The following TMCC1 variants were observed in gnomAD, a reference collection of about 807,000 sequenced individuals.
TMCC1 encodes transmembrane and coiled-coil domain family 1.
TMCC1 carries 15 observed loss-of-function variants against 52.4 expected under a neutral mutation model. The ratio of observed to expected loss-of-function variants is 0.29; its 90% CI spans 0.19 to 0.44. TMCC1 has a LOEUF of 0.44. Ranked by LOEUF, TMCC1 falls within the 20% of genes least tolerant of loss-of-function variation. The pLI, the probability that TMCC1 is intolerant of heterozygous loss-of-function variation, is 1.00. For synonymous variants in TMCC1, 279 were observed against 301.9 expected, an observed-to-expected ratio of 0.92 and a Z score of 0.79; for missense variants, 503 against 806.0, an observed-to-expected ratio of 0.62 and a Z score of 4.55.
chr3:129,843,060 A>G (rs970909016), intron 2 of TMCC1, among the ~76,000 whole-genome samples: 1 of 152,134 alleles, frequency 6.6e-6, no homozygotes, highest in Non-Finnish European at 1.5e-5. Context: ...ACTAAAACAG[A>G]AGGAGGCCAG....
chr3:129,862,650 T>C (rs1417740508), intron 2 of TMCC1, among the ~76,000 whole-genome samples: 1 of 152,094 alleles, frequency 6.6e-6, no homozygotes, highest in East Asian at 1.9e-4. Context: ...TTAGGCCTCA[T>C]CCACAGGGTC....
At chr3:129,851,620 CTT>C (rs2059917659) in intron 2 of TMCC1, among the ~76,000 whole-genome samples, 1 of 152,146 alleles carries the variant, frequency 6.6e-6, no homozygotes, top group South Asian at 2.1e-4. Flanking sequence ...AAATTGGAAT[CTT>C]TGTGCATTGT....
intron 4 of TMCC1, among the ~76,000 whole-genome samples, chr3:129,816,401 C>T (rs928682501): frequency 2.6e-5 from 4 of 151,972 alleles, no homozygotes; most frequent in African/African-American, 7.3e-5. Context: ...TATTATAAAG[C>T]CATAAAGAAG....
At chr3:129,754,707 A>G (rs1181102925) in intron 4 of TMCC1, among the ~76,000 whole-genome samples, 1 of 152,238 alleles carries the variant, frequency 6.6e-6, no homozygotes, top group Non-Finnish European at 1.5e-5. Context: ...ATCTTATTAC[A>G]ACTTATACAA....
chr3:129,664,131 G>T (rs764507077), intron 5 of TMCC1, among the ~76,000 whole-genome samples: 1 of 152,116 alleles, frequency 6.6e-6, no homozygotes, highest in Non-Finnish European at 1.5e-5. Flanking sequence ...TCCTAATTGG[G>T]ATTTTGCTTC....
At chr3:129,770,785 C>A (rs1429331748) in intron 4 of TMCC1, among the ~76,000 whole-genome samples, 1 of 152,158 alleles carries the variant, frequency 6.6e-6, no homozygotes, top group Non-Finnish European at 1.5e-5. Context: ...GATGCATAAT[C>A]TGACTTTGGA....
In TMCC1 at chr3:129,838,624, G is replaced by A. The variant is rs570272819; in HGVS notation, c.-183-5798C>T. Among the ~76,000 whole-genome samples, 7 of 151,182 alleles carry A rather than the reference G, an allele frequency of 4.6e-5. No homozygotes were observed. In the East Asian group the frequency reaches 9.8e-4, roughly 21 times the overall value. On this transcript the variant is annotated intron_variant, in intron 2 of 6. Transcript: ENST00000393238. ...AAAAATTAGCCAGGTGTGGTGGTGCGTGCCTGTAATCCCAGCTACTCAGGA... is the reference window on the plus strand; with the variant it reads ...AAAAATTAGCCAGGTGTGGTGGTGCATGCCTGTAATCCCAGCTACTCAGGA...
intron 1 of TMCC1, among the ~76,000 whole-genome samples, chr3:129,881,204 C>T (rs2061443902): frequency 6.6e-6 from 1 of 152,120 alleles, no homozygotes; most frequent in Non-Finnish European, 1.5e-5. Flanking sequence ...AAAGTGATCA[C>T]ATGGAGGTAA....
intron 4 of TMCC1, among the ~76,000 whole-genome samples, chr3:129,723,542 A>G (rs1304790366): frequency 7.0e-6 from 1 of 142,052 alleles, no homozygotes; most frequent in East Asian, 1.9e-4. Flanking sequence ...CATTGAAAGA[A>G]ACACTGATTT....
At chr3:129,661,478 G>C (rs2087020774) in intron 5 of TMCC1, among the ~76,000 whole-genome samples, 1 of 152,144 alleles carries the variant, frequency 6.6e-6, no homozygotes. Flanking sequence ...AGGATGCAGT[G>C]ACTCCCTAGT....
chr3:129,761,097 G>A (rs977175840), intron 4 of TMCC1, among the ~76,000 whole-genome samples: 2 of 150,868 alleles, frequency 1.3e-5, no homozygotes, highest in Admixed American at 1.3e-4. Flanking sequence ...AGGTCGAGGC[G>A]GGCGGATCAC....
At chr3:129,876,759 C>G (rs1233859594) in intron 2 of TMCC1, among the ~76,000 whole-genome samples, 1 of 152,028 alleles carries the variant, frequency 6.6e-6, no homozygotes, top group Non-Finnish European at 1.5e-5. Context: ...TCGAGACCAT[C>G]CTGGCTAACA....
At chr3:129,689,592 TTTACTTC>T (rs1009407765) in intron 4 of TMCC1, among the ~76,000 whole-genome samples, 1 of 152,190 alleles carries the variant, frequency 6.6e-6, no homozygotes, top group African/African-American at 2.4e-5. Context: ...TGATAATTTC[TTTACTTC>T]TAGTTAAGTA....
chr3:129,771,076 T>C (rs1333977316), intron 4 of TMCC1, among the ~76,000 whole-genome samples: 2 of 152,198 alleles, frequency 1.3e-5, no homozygotes, highest in Admixed American at 1.3e-4. Context: ...ATCCCTCTAA[T>C]ACTTCCTTAT....
chr3:129,726,427 C>T (rs551702260), intron 4 of TMCC1, among the ~76,000 whole-genome samples: 96 of 152,292 alleles, frequency 6.3e-4, no homozygotes, highest in African/African-American at 1.9e-3. Context: ...CTCTACAATA[C>T]GGTCTCGCTC....
intron 2 of TMCC1, among the ~76,000 whole-genome samples, chr3:129,878,439 AT>A (rs2061322959): frequency 6.6e-6 from 1 of 152,202 alleles, no homozygotes; most frequent in African/African-American, 2.4e-5. Context: ...TTCACAGCAC[AT>A]ATCCAATCTA....
intron 4 of TMCC1, among the ~76,000 whole-genome samples, chr3:129,706,290 G>A (rs1053052401): frequency 6.6e-6 from 1 of 150,896 alleles, no homozygotes; most frequent in Non-Finnish European, 1.5e-5. Flanking sequence ...TGCAACCTCC[G>A]CCTCCTGGGT....
intron 4 of TMCC1, among the ~76,000 whole-genome samples, chr3:129,800,126 C>T (rs1301868233): frequency 1.3e-5 from 2 of 152,150 alleles, no homozygotes; most frequent in Non-Finnish European, 1.5e-5. Context: ...TGTGTGGTTT[C>T]TTTTGCTCAT....
At chr3:129,697,052 C>A (rs1360963614) in intron 4 of TMCC1, among the ~76,000 whole-genome samples, 1 of 152,166 alleles carries the variant, frequency 6.6e-6, no homozygotes, top group Admixed American at 6.5e-5. Context: ...AGAATGGTGG[C>A]CCTCTTCTAG....
Sources: allele counts gnomAD v4.1 joint callset (sites outside exome capture counted in the v4.1 genomes callset), GRCh38; gene constraint gnomAD v4.1.1; transcripts MANE v1.5; gene names NCBI Gene and HGNC (gene_info 2026-07-23, HGNC 2026-07-21).